The following CDK5RAP2 variants were observed in gnomAD, a reference collection of about 807,000 sequenced individuals.
CDK5RAP2 encodes CDK5 regulatory subunit associated protein 2.
A neutral mutation model predicts 232.9 loss-of-function variants in CDK5RAP2; 147 were observed. The ratio of observed to expected loss-of-function variants is 0.63; its 90% CI spans 0.55 to 0.72. The LOEUF is 0.72. CDK5RAP2 is among the 30% of genes least tolerant of loss of function. CDK5RAP2 has a pLI of 0.00. For missense variants in CDK5RAP2, 2,195 were observed against 2,231.5 expected (o/e 0.98, Z 0.33); for synonymous variants, 833 against 833.7 (o/e 1.00, Z 0.01).
intron 25 of CDK5RAP2, among the ~76,000 whole-genome samples, chr9:120,429,363 T>C (rs965756562): frequency 1.2e-4 from 18 of 152,106 alleles, no homozygotes; most frequent in Admixed American, 2.6e-4. Flanking sequence ...GAAAACCCCA[T>C]TGTCTCAGCC....
At position 120,549,780 on chromosome 9, in the gene CDK5RAP2, T is replaced by A. The variant is rs931127011; in HGVS notation, c.306+1012A>T. Among the ~76,000 whole-genome samples, 5 of 152,336 alleles carry A rather than the reference T, an allele frequency of 3.3e-5. No individual in the cohort carries two copies. The East Asian group carries it at 9.6e-4, about 29-fold the overall frequency. On this transcript the variant is annotated intron_variant, in intron 4 of 37. Coordinates refer to ENST00000349780, the MANE Select transcript of CDK5RAP2 (RefSeq NM_018249.6). ...CTGCTTTAGGCTATTGGTTTTCCTT[T>A]AAAATTGTGATTGCATCACTACTCC... is the stretch of plus-strand genomic sequence containing the variant.
At chr9:120,426,205 A>G (rs1292670135) in intron 25 of CDK5RAP2, among the ~76,000 whole-genome samples, 1 of 152,236 alleles carries the variant, frequency 6.6e-6, no homozygotes, top group African/African-American at 2.4e-5. Flanking sequence ...TAAGCCAAAA[A>G]GTATATGAGA....
At chr9:120,420,064 C>T in intron 26 of CDK5RAP2, 104 bp from the exon 27 acceptor site, 1 of 879,036 alleles carries the variant, frequency 1.1e-6, no homozygotes, top group Non-Finnish European at 1.9e-6. Flanking sequence ...AGTAACTCCC[C>T]AATGTTTGCA....
intron 12 of CDK5RAP2, among the ~76,000 whole-genome samples, chr9:120,499,584 AT>A (rs946714492): frequency 2.6e-5 from 4 of 152,192 alleles, no homozygotes; most frequent in African/African-American, 7.2e-5. Flanking sequence ...GGGCAAAAAG[AT>A]GATGATGAGA....
intron 18 of CDK5RAP2, 81 bp from the exon 19 acceptor site, chr9:120,460,748 CTTTTT>C: frequency 1.6e-6 from 2 of 1,236,534 alleles, no homozygotes; most frequent in Admixed American, 4.7e-5. Context: ...TCAGTGATGT[CTTTTT>C]TTTTTTAATG....
chr9:120,397,562 AAAAGAAAAAAG>A (rs2032610911), intron 35 of CDK5RAP2, among the ~76,000 whole-genome samples: 4 of 121,964 alleles, frequency 3.3e-5, no homozygotes, highest in East Asian at 2.4e-4. Flanking sequence ...AAAAAAAAAA[AAAAGAAAAAAG>A]AAAAAAAAAA....
intron 36 of CDK5RAP2, 126 bp downstream of exon 36, chr9:120,394,386 A>C: frequency 1.4e-6 from 2 of 1,444,690 alleles, no homozygotes; most frequent in South Asian, 1.2e-5. Flanking sequence ...GTATGAAAAG[A>C]AGCCCACAGA....
intron 11 of CDK5RAP2, 118 bp downstream of exon 11, chr9:120,524,868 T>C: frequency 1.3e-6 from 1 of 745,494 alleles, no homozygotes; most frequent in Non-Finnish European, 2.4e-6. Flanking sequence ...ATTCTATCAC[T>C]GAAGACCACC....
intron 12 of CDK5RAP2, among the ~76,000 whole-genome samples, chr9:120,494,759 G>GATGCTAGAATTCTTCAAAGTATGA (rs1443075028): frequency 8.1e-5 from 8 of 98,400 alleles, no homozygotes; most frequent in Admixed American, 1.9e-4. Flanking sequence ...GAATCATCAG[G>GATGCTAGAATTCTTCAAAGTATGA]CGGCGCCGGA....
chr9:120,520,499 C>T (rs1023282014), intron 11 of CDK5RAP2, among the ~76,000 whole-genome samples: 27 of 152,182 alleles, frequency 1.8e-4, no homozygotes, highest in Middle Eastern at 3.4e-3. Context: ...AAAAATTATC[C>T]GGGCATGGTG....
At chr9:120,524,918 T>C (rs1436741332) in intron 11 of CDK5RAP2, 68 bp downstream of exon 11, 1 of 1,113,320 alleles carries the variant, frequency 9.0e-7, no homozygotes, top group Non-Finnish European at 1.4e-6. Context: ...TTCTTTCAGC[T>C]GCAAAGTCCT....
chr9:120,417,145 G>A lies in CDK5RAP2; in HGVS notation c.4178-1986C>T, dbSNP rs150084402. 1.6e-3 allele frequency among the ~76,000 whole-genome samples: 234 copies of A among 148,814 alleles called. 2 individuals are homozygous for A. The highest frequency in any genetic ancestry group is 7.3e-3 in the South Asian group (34 of 4,642). On this transcript the variant is annotated intron_variant, in intron 27 of 37. Transcript: ENST00000349780. ...CCTCCCCGCTCCTTAAACTGCTGGC[G>A]CCCACGGCACTGCACCTCCCCACGC...
At chr9:120,555,144 G>A (rs1426985063) in intron 3 of CDK5RAP2, among the ~76,000 whole-genome samples, 1 of 148,144 alleles carries the variant, frequency 6.8e-6, no homozygotes, top group Non-Finnish European at 1.5e-5. Context: ...TTGGGGGGGG[G>A]TGGGGGGCGG....
In CDK5RAP2 at chr9:120,559,323, T is replaced by C. The variant is rs775482370; in HGVS notation, c.196-8421A>G. On this transcript the variant is annotated intron_variant, in intron 3 of 37. Coordinates refer to ENST00000349780, the MANE Select transcript of CDK5RAP2 (RefSeq NM_018249.6). ...TAACACGATGAAACCCCGTCTCTAC[T>C]AAAAATACAAAAAATCAGCCAAGCA... is the stretch of plus-strand genomic sequence containing the variant. 4.0e-5 allele frequency among the ~76,000 whole-genome samples: 6 copies of C among 151,390 alleles called. No homozygotes were observed. The Middle Eastern group carries it at 0.014, about 343-fold the overall frequency.
intron 10 of CDK5RAP2, among the ~76,000 whole-genome samples, chr9:120,526,928 T>C (rs780279987): frequency 5.3e-5 from 8 of 152,030 alleles, no homozygotes; most frequent in Non-Finnish European, 8.8e-5. Context: ...TACTTATCCT[T>C]TCAGATGCAG....
At chr9:120,528,871 C>G in intron 8 of CDK5RAP2, 74 bp from the exon 9 acceptor site, 1 of 1,062,052 alleles carries the variant, frequency 9.4e-7, no homozygotes. Context: ...TTAGAATGAG[C>G]ACGTCCTTGT....
intron 23 of CDK5RAP2, among the ~76,000 whole-genome samples, chr9:120,442,570 T>C (rs1170824103): frequency 6.6e-6 from 1 of 152,262 alleles, no homozygotes; most frequent in African/African-American, 2.4e-5. Context: ...AGGGAAGTAC[T>C]GACAGGGAAA....
chr9:120,533,011 T>C (rs1303645096), intron 7 of CDK5RAP2, among the ~76,000 whole-genome samples: 2 of 152,152 alleles, frequency 1.3e-5, no homozygotes, highest in East Asian at 3.9e-4. Context: ...GCTCTGTACC[T>C]TTACGTGCTG....
Position 120,407,164 on chromosome 9 carries a change from T to C in CDK5RAP2, c.4811A>G (p.Gln1604Arg). 1 of 1,614,054 alleles carries C rather than the reference T, an allele frequency of 6.2e-7. No individual in the cohort carries two copies. The highest frequency in any genetic ancestry group is 1.3e-5 in the African/African-American group (1 of 75,046). The change falls in exon 32 of 38, where the codon CAA (glutamine) becomes CGA (arginine). Residue 1604 changes from glutamine to arginine, a missense_variant. Coordinates refer to ENST00000349780, the MANE Select transcript of CDK5RAP2 (RefSeq NM_018249.6). ...GCTGGTTTCGATGCTCCTTTCTAGT[T>C]GCAAGCGCAGAGCCTGGATCTCCAT... ...LLMEIQALRL[Q>R]LERSIETSST...
Sources: allele counts gnomAD v4.1 joint callset (sites outside exome capture counted in the v4.1 genomes callset), GRCh38; gene constraint gnomAD v4.1.1; transcripts MANE v1.5; gene names NCBI Gene and HGNC (gene_info 2026-07-23, HGNC 2026-07-21).